Variants in PACRG observed in about 807,000 individuals in gnomAD.
The protein encoded by PACRG is parkin coregulated, also known as parkin coregulated gene protein.
A neutral mutation model predicts 29.7 loss-of-function variants in PACRG; 29 were observed. The observed-to-expected ratio is 0.98, with a 90% CI of 0.73 to 1.33. PACRG has a LOEUF of 1.33. Ranked by LOEUF, PACRG falls within the 40% of genes most tolerant of loss-of-function variation. The probability of loss-of-function intolerance (pLI) is 0.00; values close to 1 mark genes in which losing one functional copy is unlikely to be tolerated. For synonymous variants in PACRG, 116 were observed against 118.7 expected (o/e 0.98, Z 0.15); for missense variants, 279 against 316.2 (o/e 0.88, Z 0.89).
At chr6:162,781,976 A>G (rs902972115) in intron 1 of PACRG, among the ~76,000 whole-genome samples, 1 of 151,862 alleles carries the variant, frequency 6.6e-6, no homozygotes, top group African/African-American at 2.4e-5. Context: ...AGCAATTGCT[A>G]GATTGAATTT....
chr6:162,816,573 C>T (rs1303396442), intron 2 of PACRG, among the ~76,000 whole-genome samples: 3 of 152,168 alleles, frequency 2.0e-5, no homozygotes, highest in African/African-American at 4.8e-5. Context: ...AGGATGGTCT[C>T]GATCTCCTGA....
intron 2 of PACRG, among the ~76,000 whole-genome samples, chr6:162,874,824 G>A (rs982764812): frequency 7.3e-5 from 11 of 151,150 alleles, no homozygotes; most frequent in Non-Finnish European, 1.3e-4. Context: ...CATACGACTC[G>A]CACACATTCA....
At chr6:162,756,395 ATCT>A (rs1354741408) in intron 1 of PACRG, among the ~76,000 whole-genome samples, 1 of 152,080 alleles carries the variant, frequency 6.6e-6, no homozygotes, top group Non-Finnish European at 1.5e-5. Flanking sequence ...TTATGTAATA[ATCT>A]TCTCGTCCCT....
intron 1 of PACRG, among the ~76,000 whole-genome samples, chr6:162,744,606 A>T (rs1780848460): frequency 6.6e-6 from 1 of 152,218 alleles, no homozygotes; most frequent in African/African-American, 2.4e-5. Flanking sequence ...ATATATATAT[A>T]TTTCATAAAT....
intron 4 of PACRG, among the ~76,000 whole-genome samples, chr6:163,216,547 A>G (rs2128157289): frequency 6.6e-6 from 1 of 152,344 alleles, no homozygotes; most frequent in South Asian, 2.1e-4. Flanking sequence ...TAAATAGAAT[A>G]TCTAAAATGC....
At chr6:163,253,983 C>G (rs1783008356) in intron 4 of PACRG, among the ~76,000 whole-genome samples, 1 of 152,180 alleles carries the variant, frequency 6.6e-6, no homozygotes, top group Admixed American at 6.5e-5. Flanking sequence ...CACTGGAAGC[C>G]TTGGGGACAA....
intron 1 of PACRG, among the ~76,000 whole-genome samples, chr6:162,732,264 C>G (rs1779827985): frequency 6.6e-6 from 1 of 152,178 alleles, no homozygotes; most frequent in African/African-American, 2.4e-5. Context: ...AGGGCATCAT[C>G]TCCAACACCT....
intron 4 of PACRG, among the ~76,000 whole-genome samples, chr6:163,197,438 T>TCTTTTCTTTTCTTTTCTTTTC (rs1386673428): frequency 8.3e-5 from 9 of 107,814 alleles, no homozygotes; most frequent in African/African-American, 4.3e-4. Context: ...TCTTTTCTTT[T>TCTTTTCTTTTCTTTTCTTTTC]TTTTTTTTTT....
intron 2 of PACRG, among the ~76,000 whole-genome samples, chr6:162,965,552 C>A (rs1800957369): frequency 6.6e-6 from 1 of 152,120 alleles, no homozygotes; most frequent in African/African-American, 2.4e-5. Context: ...TCATGAAGGG[C>A]TTAATCCTCA....
chr6:163,012,604 G>T (rs945446055), intron 2 of PACRG, among the ~76,000 whole-genome samples: 4 of 152,250 alleles, frequency 2.6e-5, no homozygotes, highest in African/African-American at 9.6e-5. Context: ...ACTGGGCAGA[G>T]CCCAGCTCCA....
intron 3 of PACRG, among the ~76,000 whole-genome samples, chr6:163,064,894 C>T (rs976301142): frequency 6.6e-6 from 1 of 150,818 alleles, no homozygotes; most frequent in Non-Finnish European, 1.5e-5. Flanking sequence ...AATGTATAAA[C>T]TCACTGTGAG....
chr6:162,823,805 G>A (rs919219415), intron 2 of PACRG, among the ~76,000 whole-genome samples: 12 of 152,028 alleles, frequency 7.9e-5, no homozygotes, highest in African/African-American at 2.9e-4. Flanking sequence ...GAACCACCGC[G>A]CCTGGCCAGA....
intron 2 of PACRG, among the ~76,000 whole-genome samples, chr6:162,882,776 G>T (rs530857530): frequency 2.0e-5 from 3 of 152,248 alleles, no homozygotes; most frequent in South Asian, 4.1e-4. Flanking sequence ...AAACTAACCC[G>T]ACTGTCCAGG....
At chr6:163,212,334 C>A (rs1781178197) in intron 4 of PACRG, among the ~76,000 whole-genome samples, 1 of 152,054 alleles carries the variant, frequency 6.6e-6, no homozygotes. Flanking sequence ...AGCAGTGGCA[C>A]CCCAAAAGCA....
At position 163,240,901 on chromosome 6, in the gene PACRG, T is replaced by TA. The variant is rs528712948; in HGVS notation, c.614-73926_614-73925insA. Among the ~76,000 whole-genome samples the TA allele has an allele frequency of 4.0e-4, 61 of 152,310 alleles. No individual in the cohort carries two copies. The South Asian group carries it at 0.012, about 31-fold the overall frequency. ...TCGCCCGTAGCAAGGGGCTTGCCCT[T>TA]TTGCTTCTGCACCATAAAAGCACTC... On this transcript the variant is annotated intron_variant, in intron 4 of 4. Transcript: ENST00000366888.
intron 4 of PACRG, among the ~76,000 whole-genome samples, chr6:163,123,816 A>G (rs150824446): frequency 6.6e-6 from 1 of 152,356 alleles, no homozygotes; most frequent in Non-Finnish European, 1.5e-5. Flanking sequence ...TGTTGTCACA[A>G]ATGGTAGTAT....
chr6:163,128,839 A>G (rs554427), intron 4 of PACRG, among the ~76,000 whole-genome samples: 39,547 of 152,146 alleles, frequency 0.26, 5,253 homozygotes, highest in East Asian at 0.48. Flanking sequence ...CATATCATCA[A>G]GTTTCCAGAA....
At chr6:163,029,475 C>T (rs1220175625) in intron 2 of PACRG, among the ~76,000 whole-genome samples, 2 of 152,140 alleles carry the variant, frequency 1.3e-5, no homozygotes, top group Non-Finnish European at 2.9e-5. Context: ...AGTGGCCTTA[C>T]CCAGCACACT....
At chr6:163,181,021 C>T (rs920094910) in intron 4 of PACRG, among the ~76,000 whole-genome samples, 5 of 152,214 alleles carry the variant, frequency 3.3e-5, no homozygotes, top group African/African-American at 4.8e-5. Context: ...AGGTCAACCT[C>T]AGCCTGAGTG....
Sources: gnomAD v4.1 joint callset for allele counts (sites outside exome capture counted in the v4.1 genomes callset) on GRCh38, gnomAD v4.1.1 for gene constraint, MANE v1.5 for transcripts, NCBI Gene and HGNC (gene_info 2026-07-23, HGNC 2026-07-21) for gene names.